TSNARE1: variants seen among roughly 807,000 people sequenced by gnomAD.
TSNARE1 encodes t-SNARE domain-containing protein 1.
A neutral mutation model predicts 62.0 loss-of-function variants in TSNARE1; 49 were observed. That is an observed-to-expected ratio of 0.79 (90% CI 0.63 to 1.00). TSNARE1 has a LOEUF of 1.00. TSNARE1 is among the 50% of genes least tolerant of loss of function. The pLI is 0.00. For missense variants in TSNARE1, 755 were observed against 700.1 expected (o/e 1.08, Z -0.88); for synonymous variants, 328 against 294.4 (o/e 1.11, Z -1.17).
intron 1 of TSNARE1, among the ~76,000 whole-genome samples, chr8:142,355,426 A>G (rs1040616756): frequency 5.3e-5 from 8 of 152,200 alleles, no homozygotes; most frequent in Non-Finnish European, 1.2e-4. Flanking sequence ...GTTGGCAAAC[A>G]GTAAGCACTC....
chr8:142,326,128 C>G (rs1463625118), intron 6 of TSNARE1: 2 of 174,246 alleles, frequency 1.1e-5, no homozygotes, highest in African/African-American at 2.6e-5. Flanking sequence ...CCCCGGAGAC[C>G]ACGAGACAGA....
chr8:142,327,116 T>C (rs1830383781), intron 6 of TSNARE1, among the ~76,000 whole-genome samples: 1 of 151,886 alleles, frequency 6.6e-6, no homozygotes, highest in Non-Finnish European at 1.5e-5. Flanking sequence ...GTCCTGGGGA[T>C]ATATCCAAGA....
At chr8:142,343,371 G>A (rs1037124702) in intron 4 of TSNARE1, among the ~76,000 whole-genome samples, 2 of 151,906 alleles carry the variant, frequency 1.3e-5, no homozygotes, top group South Asian at 2.1e-4. Context: ...AGCACAAGAC[G>A]CAGCAGGAGG....
chr8:142,346,630 C>T (rs1399930505), intron 2 of TSNARE1, among the ~76,000 whole-genome samples: 1 of 152,254 alleles, frequency 6.6e-6, no homozygotes, highest in Admixed American at 6.5e-5. Flanking sequence ...CCAGACCCCG[C>T]GTGCCTGTCT....
chr8:142,347,258 G>A (rs1372701069), intron 2 of TSNARE1, among the ~76,000 whole-genome samples: 2 of 152,258 alleles, frequency 1.3e-5, no homozygotes, highest in Admixed American at 1.3e-4. Context: ...TGGAGAGGGA[G>A]CAGCCGCAGC....
Position 142,291,261 on chromosome 8 carries a change from G to C in TSNARE1, c.1291-6776C>G, listed in dbSNP as rs945387060. Among the ~76,000 whole-genome samples the C allele has an allele frequency of 4.0e-5, 6 of 151,840 alleles. No homozygotes were observed. The highest frequency in any genetic ancestry group is 7.3e-5 in the African/African-American group (3 of 41,340). On this transcript the variant is annotated intron_variant, in intron 10 of 13. Coordinates refer to ENST00000524325, the MANE Select transcript of TSNARE1 (RefSeq NM_145003.5). The surrounding 1 kb of genome is among the most constrained non-coding windows in gnomAD (Gnocchi z 4.8). ...GTCGGCTCTCCAGCATCGCGGTGAG[G>C]ATGGCCTTGTGCTGGAGTAGGGCAC...
chr8:142,265,286 C>G (rs373033565), intron 12 of TSNARE1, among the ~76,000 whole-genome samples: 7 of 152,228 alleles, frequency 4.6e-5, no homozygotes, highest in African/African-American at 1.7e-4. Flanking sequence ...GACAACCAGC[C>G]ACCGCTCTGC....
intron 6 of TSNARE1, among the ~76,000 whole-genome samples, chr8:142,328,352 T>G (rs1019967053): frequency 1.3e-5 from 2 of 152,172 alleles, no homozygotes; most frequent in Non-Finnish European, 2.9e-5. Flanking sequence ...CCCTCCTTAT[T>G]TGGAAATGTC....
intron 6 of TSNARE1, among the ~76,000 whole-genome samples, chr8:142,320,102 C>T (rs1054291155): frequency 6.6e-6 from 1 of 152,138 alleles, no homozygotes; most frequent in African/African-American, 2.4e-5. Flanking sequence ...AGCCTCCTGT[C>T]CCTCTCCCTG....
At chr8:142,272,022 G>A (rs941957552) in intron 12 of TSNARE1, among the ~76,000 whole-genome samples, 1 of 151,790 alleles carries the variant, frequency 6.6e-6, no homozygotes, top group African/African-American at 2.4e-5. Context: ...CTGCCCTCTG[G>A]TCTACCCGCC....
chr8:142,354,588 C>G (rs1369342257), intron 2 of TSNARE1, 49 bp downstream of exon 2: 2 of 1,331,234 alleles, frequency 1.5e-6, no homozygotes, highest in Admixed American at 1.8e-5. Flanking sequence ...CCTACCCTAC[C>G]CACTACCATC....
intron 13 of TSNARE1, among the ~76,000 whole-genome samples, chr8:142,222,024 TCCACTCACTCATCCACTCATCCAC>T (rs1428543377): frequency 2.3e-4 from 23 of 99,776 alleles, no homozygotes; most frequent in African/African-American, 6.1e-4. Flanking sequence ...CACTCACTCA[TCCACTCACTCATCCACTCATCCAC>T]TCACTCACTC....
chr8:142,279,661 T>C (rs1040620578), intron 11 of TSNARE1, among the ~76,000 whole-genome samples: 1 of 151,948 alleles, frequency 6.6e-6, no homozygotes, highest in Non-Finnish European at 1.5e-5. Context: ...GAACCCTCCC[T>C]GGCCCCGACC....
At chr8:142,363,093 C>T (rs35831095) in intron 1 of TSNARE1, among the ~76,000 whole-genome samples, 16,097 of 152,234 alleles carry the variant, frequency 0.11, 1,129 homozygotes, top group East Asian at 0.22. Flanking sequence ...AAGCCGCCAG[C>T]ACGGAAGAGG....
intron 10 of TSNARE1, among the ~76,000 whole-genome samples, chr8:142,290,423 C>T (rs1823560244): frequency 1.3e-5 from 2 of 152,236 alleles, no homozygotes. Flanking sequence ...ATTAAAAGCG[C>T]TCATGGAATT....
At chr8:142,373,189 G>A (rs1836036433) in intron 1 of TSNARE1, among the ~76,000 whole-genome samples, 1 of 152,192 alleles carries the variant, frequency 6.6e-6, no homozygotes, top group Non-Finnish European at 1.5e-5. Flanking sequence ...GCAGGCATGT[G>A]AGCCCAGCCT....
At chr8:142,280,833 G>A (rs1275127184) in intron 11 of TSNARE1, among the ~76,000 whole-genome samples, 2 of 152,200 alleles carry the variant, frequency 1.3e-5, no homozygotes, top group Non-Finnish European at 1.5e-5. Context: ...GTCCTGGGGA[G>A]AGGAGGTGGT....
chr8:142,222,794 A>T, intron 13 of TSNARE1, among the ~76,000 whole-genome samples: 1 of 109,002 alleles, frequency 9.2e-6, no homozygotes, highest in African/African-American at 3.2e-5. Flanking sequence ...TCACTCACTC[A>T]TCCACTCACT....
intron 1 of TSNARE1, among the ~76,000 whole-genome samples, chr8:142,371,481 A>C (rs1257975500): frequency 2.0e-5 from 3 of 152,214 alleles, no homozygotes; most frequent in African/African-American, 7.2e-5. Flanking sequence ...TTCACTGCAC[A>C]CTTAAAAGAG....
Sources: gnomAD v4.1 joint callset for allele counts (sites outside exome capture counted in the v4.1 genomes callset) on GRCh38, gnomAD v4.1.1 for gene constraint, Gnocchi (gnomAD v3.1) non-coding constraint, MANE v1.5 for transcripts, NCBI Gene and HGNC (gene_info 2026-07-23, HGNC 2026-07-21) for gene names.